The following PLCH1 variants were observed in gnomAD, a reference collection of about 807,000 sequenced individuals.
PLCH1 encodes phospholipase C eta 1, also known as 1-phosphatidylinositol 4,5-bisphosphate phosphodiesterase eta-1.
PLCH1 carries 60 observed loss-of-function variants against 126.7 expected under a neutral mutation model. That is an observed-to-expected ratio of 0.47 (90% CI 0.38 to 0.59). The LOEUF is 0.59. Among genes scored for constraint, PLCH1 ranks in the 20% least tolerant of loss-of-function variants. The pLI, the probability that PLCH1 is intolerant of heterozygous loss-of-function variation, is 0.00. For synonymous variants in PLCH1, 719 were observed against 734.9 expected (o/e 0.98, Z 0.35); for missense variants, 1,723 against 2,040.0 (o/e 0.84, Z 2.99).
intron 21 of PLCH1, among the ~76,000 whole-genome samples, chr3:155,473,628 A>T (rs1713386353): frequency 6.6e-6 from 1 of 151,990 alleles, no homozygotes; most frequent in Non-Finnish European, 1.5e-5. Context: ...GGAAATCCTA[A>T]GCCAAAAGAA....
intron 10 of PLCH1, among the ~76,000 whole-genome samples, chr3:155,527,415 C>A (rs931656390): frequency 6.6e-6 from 1 of 152,194 alleles, no homozygotes; most frequent in South Asian, 2.1e-4. Context: ...CCAGCTTAGT[C>A]ATATTTTCGG....
Position 155,485,489 on chromosome 3 carries a change from G to A in PLCH1, c.2841C>T (p.Gly947=), listed in dbSNP as rs1471947993. The change falls in exon 22 of 23, where the codon GGC becomes GGT. Residue 947 remains glycine (G), a synonymous_variant. Coordinates refer to ENST00000460012, the MANE Select transcript of PLCH1 (RefSeq NM_014996.4). ...SVSEATRDQD[G]VLRRTTRSLQ... ...AACTGCGTGTGGTCCTCCTCAGCAC[G>A]CCATCTTGATCTCTTGTGGCCTCGG... is the stretch of plus-strand genomic sequence containing the variant. 1.2e-6 allele frequency: 2 copies of A among 1,614,082 alleles called. No individual in the cohort carries two copies. Among genetic ancestry groups the A allele is most frequent in the Non-Finnish European group, 1.7e-6 (2 of 1,179,934 alleles).
At chr3:155,464,250 G>A (rs1439017959) in intron 21 of PLCH1, among the ~76,000 whole-genome samples, 3 of 152,206 alleles carry the variant, frequency 2.0e-5, no homozygotes, top group African/African-American at 7.2e-5. Context: ...GGCAATCTAA[G>A]GCAGAGGAAG....
chr3:155,583,751 T>A, intron 5 of PLCH1, 109 bp from the exon 6 acceptor site: 1 of 677,876 alleles, frequency 1.5e-6, no homozygotes, highest in Non-Finnish European at 2.3e-6. Context: ...TCCCAAGAGG[T>A]GAGCACACAT....
At chr3:155,598,880 A>G (rs1733344114) in intron 2 of PLCH1, among the ~76,000 whole-genome samples, 1 of 152,144 alleles carries the variant, frequency 6.6e-6, no homozygotes, top group Non-Finnish European at 1.5e-5. Flanking sequence ...TTACGTCCCC[A>G]AAGACCTAAC....
Position 155,480,409 on chromosome 3 carries a change from C to T in PLCH1, c.*559G>A, listed in dbSNP as rs1412108448. ...GGCATGGGGAGCAGCTATCCATCCC[C>T]TTTCAACTCTCATTATGGGTGGGAT... is the stretch of plus-strand genomic sequence containing the variant. On this transcript the variant is annotated 3_prime_UTR_variant, in exon 23 of 23. Transcript: ENST00000460012. The T allele has an allele frequency of 1.3e-5, 2 of 153,030 alleles. No homozygotes were observed. The highest frequency in any genetic ancestry group is 2.9e-5 in the Non-Finnish European group (2 of 68,386). 9.5% of individuals were successfully genotyped at this position (153,030 alleles called of 1,614,324 possible).
At chr3:155,717,830 T>C (rs1040075437) in intron 1 of PLCH1, among the ~76,000 whole-genome samples, 1 of 152,222 alleles carries the variant, frequency 6.6e-6, no homozygotes, top group African/African-American at 2.4e-5. Flanking sequence ...CCCTTTCAGT[T>C]ATGAAAATAT....
rs769956892 is a variant in PLCH1, at chr3:155,687,747, A to G, written c.79+16399T>C. ...AAGTATTTGTCTTTAAAAAATAACC[A>G]TCCTCCTGTCACTGACTGATATAAT... On this transcript the variant is annotated intron_variant, in intron 2 of 22. Coordinates refer to ENST00000460012, the MANE Select transcript of PLCH1 (RefSeq NM_014996.4). 7.2e-5 allele frequency among the ~76,000 whole-genome samples: 11 copies of G among 152,282 alleles called. No individual in the cohort carries two copies. In the South Asian group the frequency reaches 1.7e-3, roughly 23 times the overall value.
chr3:155,676,457 A>G (rs1419812805), intron 2 of PLCH1: 2 of 938,932 alleles, frequency 2.1e-6, no homozygotes, highest in South Asian at 9.9e-5. Context: ...TTATCCATCA[A>G]AGAAACCCTC....
intron 21 of PLCH1, among the ~76,000 whole-genome samples, chr3:155,464,663 A>G (rs750769058): frequency 5.9e-5 from 9 of 152,124 alleles, no homozygotes; most frequent in Non-Finnish European, 1.0e-4. Flanking sequence ...TCCCTTTTCC[A>G]TCCCTCCTGA....
intron 2 of PLCH1, among the ~76,000 whole-genome samples, chr3:155,671,869 G>A (rs1216021649): frequency 6.6e-6 from 1 of 152,048 alleles, no homozygotes; most frequent in Non-Finnish European, 1.5e-5. Context: ...CCTACAAAAA[G>A]GAAAGTAAAA....
At position 155,485,566 on chromosome 3, in the gene PLCH1, T is replaced by G. The variant is rs767558224; in HGVS notation, c.2764A>C (p.Lys922Gln). 1 of 1,614,094 alleles carries G rather than the reference T, an allele frequency of 6.2e-7. No homozygotes were observed. The highest frequency in any genetic ancestry group is 1.3e-5 in the African/African-American group (1 of 74,934). Residue 922 changes from lysine (K) to glutamine (Q), a missense_variant, in exon 22 of 23, where the codon AAA becomes CAA. Physicochemically the swap from Lys to Gln is moderately conservative, Grantham distance 53. Transcript: ENST00000460012. ...TCTTGGAAGCCCATTTTGCTCTTTT[T>G]CCTGCCTTTGGCTGGGGCGCTAGCT... is the stretch of plus-strand genomic sequence containing the variant. ...RTASAPAKGRKKSKMGFQEMV... is the reference protein window; with the variant it reads ...RTASAPAKGRQKSKMGFQEMV...
intron 10 of PLCH1, among the ~76,000 whole-genome samples, chr3:155,531,160 G>A (rs1308050292): frequency 6.6e-6 from 1 of 152,164 alleles, no homozygotes; most frequent in Non-Finnish European, 1.5e-5. Flanking sequence ...AAGAGCCTAG[G>A]GGATGAAAAA....
At chr3:155,702,105 T>C (rs75802018) in intron 2 of PLCH1, among the ~76,000 whole-genome samples, 1,979 of 152,262 alleles carry the variant, frequency 0.013, 39 homozygotes, top group African/African-American at 0.045. Flanking sequence ...GTATCTTGTG[T>C]TTAGTGAAAA....
At chr3:155,545,882 A>T (rs1043636528) in intron 10 of PLCH1, among the ~76,000 whole-genome samples, 16 of 152,178 alleles carry the variant, frequency 1.1e-4, no homozygotes, top group African/African-American at 3.6e-4. Flanking sequence ...TTGATGGGAC[A>T]TATCTCAAAA....
At chr3:155,541,641 G>T (rs1037323640) in intron 10 of PLCH1, among the ~76,000 whole-genome samples, 3 of 152,048 alleles carry the variant, frequency 2.0e-5, no homozygotes, top group Non-Finnish European at 4.4e-5. Context: ...TGCAATAGTA[G>T]CATTAAAGAT....
intron 21 of PLCH1, among the ~76,000 whole-genome samples, chr3:155,455,112 T>C (rs761467624): frequency 3.9e-5 from 6 of 152,210 alleles, no homozygotes; most frequent in Non-Finnish European, 7.3e-5. Context: ...ATATAATTAA[T>C]ACCCATAAAT....
At chr3:155,728,454 C>T (rs62284700) in intron 1 of PLCH1, among the ~76,000 whole-genome samples, 318 of 152,222 alleles carry the variant, frequency 2.1e-3, no homozygotes, top group Middle Eastern at 0.02. Context: ...ATTATTATCC[C>T]TTTTGTTCTG....
intron 6 of PLCH1, among the ~76,000 whole-genome samples, chr3:155,579,611 A>G (rs1730401391): frequency 1.3e-5 from 2 of 152,212 alleles, no homozygotes; most frequent in Non-Finnish European, 2.9e-5. Context: ...ATTACTGATG[A>G]AGACGATAAG....
Sources: gnomAD v4.1 joint callset for allele counts (sites outside exome capture counted in the v4.1 genomes callset) on GRCh38, gnomAD v4.1.1 for gene constraint, MANE v1.5 for transcripts, NCBI Gene and HGNC (gene_info 2026-07-23, HGNC 2026-07-21) for gene names.